The following ATXN2 variants were observed in gnomAD, a reference collection of about 807,000 sequenced individuals.
The protein encoded by ATXN2 is ataxin 2.
A neutral mutation model predicts 138.6 loss-of-function variants in ATXN2; 37 were observed. The ratio of observed to expected loss-of-function variants is 0.27; its 90% confidence interval spans 0.21 to 0.35. The LOEUF (loss-of-function observed/expected upper bound fraction) is 0.35, where lower values mean the gene tolerates loss of function less well. ATXN2 is among the 10% of genes least tolerant of loss of function. The pLI, the probability that ATXN2 is intolerant of heterozygous loss-of-function variation, is 1.00. For synonymous variants in ATXN2, 549 were observed against 543.7 expected (o/e 1.01, Z -0.13); for missense variants, 1,216 against 1,480.3 (o/e 0.82, Z 2.93).
At chr12:111,526,442 T>G (rs1880512805) in intron 5 of ATXN2, among the ~76,000 whole-genome samples, 1 of 151,148 alleles carries the variant, frequency 6.6e-6, no homozygotes, top group African/African-American at 2.4e-5. Flanking sequence ...GCTTGCTCTT[T>G]CACCCAGACC....
intron 1 of ATXN2, among the ~76,000 whole-genome samples, chr12:111,597,147 A>AGAAGGG (rs1241641461): frequency 1.0e-5 from 1 of 96,178 alleles, no homozygotes; most frequent in Non-Finnish European, 1.9e-5. Context: ...TCAGACTCAG[A>AGAAGGG]GAAGGGGAAG....
In ATXN2 at chr12:111,466,328, C is replaced by T. The variant is rs187729701; in HGVS notation, c.2843-1613G>A. 1.1e-3 allele frequency among the ~76,000 whole-genome samples: 168 copies of T among 151,950 alleles called. 2 individuals carry two copies. The Middle Eastern group carries it at 0.014, about 12-fold the overall frequency. The stretch of plus-strand genomic sequence containing the variant: ...CCTGGCTAACACAGTGAAACCCCAT[C>T]TCTACTAAACAAAATACAAAAAATT... On this transcript the variant is annotated intron_variant, in intron 20 of 24. Transcript: ENST00000673436.
chr12:111,599,659 G>A, upstream of ATXN2: 3 of 1,080,894 alleles, frequency 2.8e-6, no homozygotes, highest in Non-Finnish European at 3.4e-6. Context: ...CGGCGCGCTG[G>A]GTTGCTTTCT....
intron 5 of ATXN2, among the ~76,000 whole-genome samples, chr12:111,537,573 A>G (rs1162957983): frequency 6.9e-6 from 1 of 145,864 alleles, no homozygotes; most frequent in Non-Finnish European, 1.5e-5. Flanking sequence ...ACACAGTGAG[A>G]CTCTGTTTCA....
intron 14 of ATXN2, among the ~76,000 whole-genome samples, chr12:111,508,441 C>CTTTTTTTTTTTT (rs66643315): frequency 1.2e-5 from 1 of 85,656 alleles, no homozygotes; most frequent in African/African-American, 5.4e-5. Flanking sequence ...AATTGAAAAA[C>CTTTTTTTTTTTT]TTTTTTTTTT....
At chr12:111,576,281 TA>T (rs1271467413) in intron 1 of ATXN2, among the ~76,000 whole-genome samples, 2 of 151,678 alleles carry the variant, frequency 1.3e-5, no homozygotes, top group Non-Finnish European at 2.9e-5. Context: ...CCATTTCTAC[TA>T]AAAATACAAA....
intron 11 of ATXN2, chr12:111,511,035 A>C (rs1879477813): frequency 6.5e-6 from 1 of 154,160 alleles, no homozygotes; most frequent in Non-Finnish European, 1.4e-5. Flanking sequence ...AGCCCTACAC[A>C]TTCTTTATAG....
chr12:111,522,383 G>A (rs1486470021), intron 6 of ATXN2, among the ~76,000 whole-genome samples: 1 of 152,190 alleles, frequency 6.6e-6, no homozygotes, highest in African/African-American at 2.4e-5. Context: ...GGCCGAGGCA[G>A]GAGGATCACG....
intron 5 of ATXN2, among the ~76,000 whole-genome samples, chr12:111,539,928 T>C (rs965864428): frequency 6.7e-6 from 1 of 150,308 alleles, no homozygotes; most frequent in South Asian, 2.1e-4. Flanking sequence ...CTCAAACCTA[T>C]GGCAAAAGTG....
At chr12:111,565,279 G>A (rs934593744) in intron 1 of ATXN2, among the ~76,000 whole-genome samples, 3 of 152,074 alleles carry the variant, frequency 2.0e-5, no homozygotes, top group African/African-American at 4.8e-5. Flanking sequence ...CAAGCTGACC[G>A]TCTGTGGAAA....
intron 21 of ATXN2, among the ~76,000 whole-genome samples, chr12:111,462,665 G>A (rs1255167561): frequency 6.6e-6 from 1 of 152,122 alleles, no homozygotes; most frequent in Non-Finnish European, 1.5e-5. Context: ...TCCCTTTTAG[G>A]GGAAGTTGTG....
intron 1 of ATXN2, among the ~76,000 whole-genome samples, chr12:111,572,614 A>T (rs966036211): frequency 6.6e-6 from 1 of 152,232 alleles, no homozygotes; most frequent in Non-Finnish European, 1.5e-5. Context: ...CGCAGTAATT[A>T]AGAATAAAAT....
chr12:111,589,126 C>T (rs956250237), intron 1 of ATXN2, among the ~76,000 whole-genome samples: 11 of 146,410 alleles, frequency 7.5e-5, no homozygotes, highest in Admixed American at 4.8e-4. Context: ...ACCAGCCTGG[C>T]CAACATGATG....
chr12:111,522,614 GA>G (rs1210976078), intron 6 of ATXN2, among the ~76,000 whole-genome samples: 2 of 141,360 alleles, frequency 1.4e-5, no homozygotes, highest in Non-Finnish European at 3.1e-5. Flanking sequence ...CATCTTAAAA[GA>G]AAAAAAAAGA....
At chr12:111,541,728 C>T (rs1338397543) in intron 5 of ATXN2, among the ~76,000 whole-genome samples, 3 of 148,960 alleles carry the variant, frequency 2.0e-5, no homozygotes, top group South Asian at 2.1e-4. Flanking sequence ...TGTTAATACA[C>T]ATAATCTAAT....
intron 14 of ATXN2, among the ~76,000 whole-genome samples, chr12:111,494,926 A>G (rs1878313894): frequency 1.3e-5 from 2 of 152,238 alleles, no homozygotes; most frequent in South Asian, 2.1e-4. Context: ...ACAAAATGGT[A>G]GTAGTTAAGT....
intron 5 of ATXN2, among the ~76,000 whole-genome samples, chr12:111,535,363 G>A (rs899694061): frequency 6.6e-6 from 1 of 152,116 alleles, no homozygotes; most frequent in Admixed American, 6.5e-5. Context: ...GGTGGCTCAC[G>A]CCTGTAATCC....
At chr12:111,518,135 C>T in intron 9 of ATXN2, 114 bp downstream of exon 9, 1 of 957,374 alleles carries the variant, frequency 1.0e-6, no homozygotes, top group Middle Eastern at 2.7e-4. Flanking sequence ...GAAAGCTACT[C>T]ACCAAATCAT....
chr12:111,459,729 T>A (rs1875414454), intron 21 of ATXN2, among the ~76,000 whole-genome samples: 1 of 149,270 alleles, frequency 6.7e-6, no homozygotes, highest in Non-Finnish European at 1.5e-5. Flanking sequence ...CATGAGCCAC[T>A]GCGCCCGGCC....
Sources: gnomAD v4.1 joint callset for allele counts (sites outside exome capture counted in the v4.1 genomes callset) on GRCh38, gnomAD v4.1.1 for gene constraint, MANE v1.5 for transcripts, NCBI Gene and HGNC (gene_info 2026-07-23, HGNC 2026-07-21) for gene names.